The following RNF17 variants were observed in gnomAD, a reference collection of about 807,000 sequenced individuals.
The protein encoded by RNF17 is ring finger protein 17, also known as spermatogenesis associated 23.
Under a neutral mutation model 200.5 loss-of-function variants are expected in RNF17, and 31 were observed. That is an observed-to-expected ratio of 0.15 (90% CI 0.12 to 0.21). The LOEUF (loss-of-function observed/expected upper bound fraction) is 0.21, where lower values mean the gene tolerates loss of function less well. Among genes scored for constraint, RNF17 ranks in the 10% least tolerant of loss-of-function variants. RNF17 has a pLI of 1.00. For synonymous variants in RNF17, 606 were observed against 637.8 expected (o/e 0.95, Z 0.75); for missense variants, 1,628 against 1,905.1 (o/e 0.85, Z 2.71).
At chr13:24,825,015 C>T (rs1298251915) in intron 15 of RNF17, among the ~76,000 whole-genome samples, 1 of 152,106 alleles carries the variant, frequency 6.6e-6, no homozygotes, top group Non-Finnish European at 1.5e-5. Context: ...AGACCTTACT[C>T]TATGGAAGAA....
At chr13:24,759,079 CAAAAAAAAAAAAA>C in the RNF17 span, among the ~76,000 whole-genome samples, 2 of 65,368 alleles carry the variant, frequency 3.1e-5, no homozygotes, top group East Asian at 1.0e-3. Flanking sequence ...ACTGTGTCTC[CAAAAAAAAAAAAA>C]AAAAAAAAAA....
chr13:24,876,954 C>G, intron 33 of RNF17, 43 bp from the exon 34 acceptor site: 1 of 1,479,114 alleles, frequency 6.8e-7, no homozygotes, highest in Non-Finnish European at 9.2e-7. Context: ...TGGATAGTTT[C>G]AGCCGGAAGA....
At chr13:24,857,315 T>G (rs1892615512) in intron 25 of RNF17, among the ~76,000 whole-genome samples, 1 of 148,930 alleles carries the variant, frequency 6.7e-6, no homozygotes, top group South Asian at 2.1e-4. Context: ...CCATTTTTTT[T>G]GTACACCTAA....
In RNF17 at chr13:24,844,177, T is replaced by A. The variant is rs145094642; in HGVS notation, c.2831+206T>A. 5.3e-5 allele frequency among the ~76,000 whole-genome samples: 8 copies of A among 152,288 alleles called. No homozygotes were observed. In the East Asian group the frequency reaches 1.5e-3, roughly 29 times the overall value. On this transcript the variant is annotated intron_variant, in intron 20 of 35. Coordinates refer to ENST00000255324, the MANE Select transcript of RNF17 (RefSeq NM_031277.3). The stretch of plus-strand genomic sequence containing the variant: ...AATTTATTCATTCTACAAATACCTA[T>A]TGAGCACCTACTATATGATAACCAG...
At chr13:24,749,307 C>CTTTTTTTTTTTTTTTTTTT in the RNF17 span, among the ~76,000 whole-genome samples, 97 of 107,998 alleles carry the variant, frequency 9.0e-4, 4 homozygotes, top group East Asian at 1.7e-3. Context: ...TTCTTTCTTT[C>CTTTTTTTTTTTTTTTTTTT]TTTTTTTTTT....
downstream of RNF17, among the ~76,000 whole-genome samples, chr13:24,881,959 C>CCTCTATATAGATATATAGATACCTCT (rs1373399315): frequency 4.4e-5 from 1 of 22,562 alleles, no homozygotes; most frequent in Non-Finnish European, 9.4e-5. Context: ...TATATAGATA[C>CCTCTATATAGATATATAGATACCTCT]ATCTAGATAT....
chr13:24,752,728 C>T, the RNF17 span, among the ~76,000 whole-genome samples: 1 of 152,212 alleles, frequency 6.6e-6, no homozygotes, highest in Non-Finnish European at 1.5e-5. Context: ...TGGTAATGCT[C>T]GCTCTTGCTG....
intron 32 of RNF17, among the ~76,000 whole-genome samples, chr13:24,872,394 A>G (rs1165876455): frequency 2.6e-5 from 4 of 152,246 alleles, no homozygotes; most frequent in Non-Finnish European, 4.4e-5. Flanking sequence ...AATTACACAG[A>G]AAGCATATGA....
Position 24,861,256 on chromosome 13 carries a change from G to A in RNF17, c.3775-12G>A. On this transcript the variant is annotated splice_polypyrimidine_tract_variant and intron_variant, in intron 26 of 35. Transcript: ENST00000255324. ...TAAATTTTAACTATAAATTGTATTT[G>A]TCGTGTTTCAGGTACAATATTTAGA... The A allele has an allele frequency of 6.4e-7, 1 of 1,569,952 alleles. No individual in the cohort carries two copies. Among genetic ancestry groups the A allele is most frequent in the Non-Finnish European group, 8.7e-7 (1 of 1,151,714 alleles).
At chr13:24,789,646 C>A in intron 8 of RNF17, 52 bp from the exon 9 acceptor site, 1 of 1,191,946 alleles carries the variant, frequency 8.4e-7, no homozygotes, top group Non-Finnish European at 1.2e-6. Context: ...GTCTAGAGAA[C>A]ATGATACATT....
At chr13:24,812,668 C>T (rs1204674227) in intron 15 of RNF17, among the ~76,000 whole-genome samples, 1 of 38,512 alleles carries the variant, frequency 2.6e-5, no homozygotes, top group Non-Finnish European at 6.3e-5. Flanking sequence ...GGCTCCTCCC[C>T]TCCCCGCCCC....
rs1386295390 is a variant in RNF17 at position 24,871,728 on chromosome 13, GT to G, written c.4447+991del. 3.3e-5 allele frequency among the ~76,000 whole-genome samples: 5 copies of G among 151,526 alleles called. No individual in the cohort carries two copies. The East Asian group carries it at 9.8e-4, about 30-fold the overall frequency. On this transcript the variant is annotated intron_variant, in intron 32 of 35. Transcript: ENST00000255324. ...TCTCACTGCAACCTCTGTCCCCTGG[GT>G]TCAAGCAGTTCTCTTGCCTCAGCAT...
intron 2 of RNF17, 106 bp downstream of exon 2, chr13:24,767,472 G>A (rs1879873026): frequency 1.7e-5 from 13 of 746,696 alleles, no homozygotes; most frequent in Admixed American, 4.9e-5. Context: ...AAAGTTGGCC[G>A]GGCGTGGTGG....
At chr13:24,873,764 T>C (rs953694251) in intron 32 of RNF17, among the ~76,000 whole-genome samples, 8 of 152,162 alleles carry the variant, frequency 5.3e-5, no homozygotes, top group Non-Finnish European at 1.0e-4. Flanking sequence ...CTCCTTGTTA[T>C]CTTCATGAGA....
In RNF17 at chr13:24,870,583, C is replaced by T; in HGVS notation, c.4291C>T (p.Leu1431Phe). Residue 1431 changes from leucine to phenylalanine, a missense_variant, in exon 32 of 36, where the codon CTT becomes TTT. By Grantham distance (22) the Leu-to-Phe change is conservative. This residue lies in a region of RNF17 where 609 missense variants were observed against 681.9 expected (regional missense o/e 0.89). Coordinates refer to ENST00000255324, the MANE Select transcript of RNF17 (RefSeq NM_031277.3). ...TCTCCCCACTTAGGTGTATATTTGC[C>T]TTGATTCTATAGAAACTTCTAACCA... is the stretch of plus-strand genomic sequence containing the variant. ...VVSPNEVYIC[L>F]DSIETSNQSN... is the part of the protein sequence containing the mutation. 3.1e-6 allele frequency: 5 copies of T among 1,612,468 alleles called. No homozygotes were observed. The highest frequency in any genetic ancestry group is 4.2e-6 in the Non-Finnish European group (5 of 1,179,298).
At chr13:24,881,844 AGATAC>A (rs1404766337), downstream of RNF17, among the ~76,000 whole-genome samples, 2 of 118,160 alleles carry the variant, frequency 1.7e-5, no homozygotes, top group Admixed American at 8.8e-5. Flanking sequence ...ATAGATATAT[AGATAC>A]ATCTATATAG....
At chr13:24,884,931 G>A in the RNF17 span, among the ~76,000 whole-genome samples, 2 of 152,140 alleles carry the variant, frequency 1.3e-5, no homozygotes, top group Non-Finnish European at 2.9e-5. Flanking sequence ...GAACCCCCAG[G>A]CAGTTTTCCC....
chr13:24,855,489 A>T (rs936356845), intron 25 of RNF17, among the ~76,000 whole-genome samples: 3 of 152,018 alleles, frequency 2.0e-5, no homozygotes, highest in African/African-American at 7.2e-5. Context: ...TTAGCTGGAC[A>T]TGGTGGCACG....
intron 5 of RNF17, among the ~76,000 whole-genome samples, chr13:24,780,703 T>C (rs1429715599): frequency 1.3e-5 from 2 of 151,976 alleles, no homozygotes; most frequent in Non-Finnish European, 2.9e-5. Context: ...TCAACATGGC[T>C]AAACCCCATC....
Sources: allele counts gnomAD v4.1 joint callset (sites outside exome capture counted in the v4.1 genomes callset), GRCh38; gene constraint gnomAD v4.1.1; regional missense constraint gnomAD v4.1.1; transcripts MANE v1.5; gene names NCBI Gene and HGNC (gene_info 2026-07-23, HGNC 2026-07-21).